The following FRMPD4 variants were observed in gnomAD, a reference collection of about 807,000 sequenced individuals.
FRMPD4 encodes FERM and PDZ domain-containing protein 4.
A neutral mutation model predicts 94.1 loss-of-function variants in FRMPD4; 22 were observed. That is an observed-to-expected ratio of 0.23 (90% CI 0.17 to 0.33). The LOEUF (loss-of-function observed/expected upper bound fraction) is 0.33, where lower values mean the gene tolerates loss of function less well. Ranked by LOEUF, FRMPD4 falls within the 10% of genes least tolerant of loss-of-function variation. The probability of loss-of-function intolerance (pLI) is 1.00; values close to 1 mark genes in which losing one functional copy is unlikely to be tolerated. For missense variants in FRMPD4, 1,111 were observed against 1,339.9 expected, an observed-to-expected ratio of 0.83 and a Z score of 2.67; for synonymous variants, 631 against 548.6, an observed-to-expected ratio of 1.15 and a Z score of -2.10.
chrX:12,296,034 C>T (rs1006736086), intron 1 of FRMPD4, among the ~76,000 whole-genome samples: 4 of 110,695 alleles, frequency 3.6e-5, no homozygotes, highest in African/African-American at 1.3e-4. Flanking sequence ...ATGTAGGGTC[C>T]CTGATCTCTA....
intron 4 of FRMPD4, among the ~76,000 whole-genome samples, chrX:12,619,684 C>T (rs2059269355): frequency 8.9e-6 from 1 of 112,193 alleles, no homozygotes; most frequent in African/African-American, 3.2e-5. Context: ...TCATACCTAC[C>T]TTGGCCTTGG....
intron 2 of FRMPD4, among the ~76,000 whole-genome samples, chrX:12,583,112 G>A (rs1449281036): frequency 8.9e-6 from 1 of 111,845 alleles, no homozygotes; most frequent in Admixed American, 9.4e-5. Context: ...TTATGTCTTT[G>A]ACCCTGGCAT....
chrX:12,371,283 C>G (rs759285952), intron 1 of FRMPD4, among the ~76,000 whole-genome samples: 1 of 112,628 alleles, frequency 8.9e-6, no homozygotes, highest in Non-Finnish European at 1.9e-5. Flanking sequence ...TATGGCGTAG[C>G]CTGTTGTGTA....
intron 5 of FRMPD4, among the ~76,000 whole-genome samples, chrX:12,680,291 G>A (rs1320545563): frequency 1.8e-5 from 2 of 112,155 alleles, no homozygotes; most frequent in African/African-American, 6.5e-5. Flanking sequence ...ATAATTACTT[G>A]TTATTTCCAC....
chrX:11,966,243 T>C (rs113968478), intron 3 of FRMPD4, among the ~76,000 whole-genome samples: 3,329 of 111,191 alleles, frequency 0.03, 74 homozygotes, highest in Admixed American at 0.096. Context: ...TATTAAGGGA[T>C]GGGGCTTTTG....
intron 1 of FRMPD4, among the ~76,000 whole-genome samples, chrX:12,372,787 T>C (rs942139159): frequency 1.8e-5 from 2 of 112,515 alleles, no homozygotes; most frequent in African/African-American, 3.2e-5. Context: ...CTGACAGAGC[T>C]GGCCTCCCTT....
intron 1 of FRMPD4, among the ~76,000 whole-genome samples, chrX:11,855,037 A>C (rs1478692629): frequency 3.6e-5 from 4 of 112,073 alleles, no homozygotes; most frequent in Admixed American, 9.4e-5. Context: ...ATATCCTCTG[A>C]AATCTAGGTA....
intron 1 of FRMPD4, among the ~76,000 whole-genome samples, chrX:12,163,856 A>G (rs1353167653): frequency 2.7e-5 from 3 of 111,995 alleles, no homozygotes; most frequent in African/African-American, 9.7e-5. Context: ...AATTAAGATC[A>G]TAGAGGTAAG....
intron 1 of FRMPD4, among the ~76,000 whole-genome samples, chrX:11,852,277 G>T (rs1390889621): frequency 8.3e-5 from 9 of 108,839 alleles, no homozygotes; most frequent in Non-Finnish European, 1.5e-4. Flanking sequence ...GGCTTTCTGA[G>T]TAATATGGGC....
intron 4 of FRMPD4, among the ~76,000 whole-genome samples, chrX:12,623,207 G>GAAAGA (rs1569370632): frequency 3.9e-4 from 2 of 5,112 alleles, no homozygotes; most frequent in Admixed American, 2.2e-3. Flanking sequence ...AGAAAGAAAG[G>GAAAGA]AAGGAAGGAA....
chrX:12,336,689 T>C (rs1200253129), intron 1 of FRMPD4, among the ~76,000 whole-genome samples: 1 of 111,494 alleles, frequency 9.0e-6, no homozygotes, highest in African/African-American at 3.3e-5. Context: ...ACATCTATTA[T>C]GGACTTTTAA....
intron 3 of FRMPD4, among the ~76,000 whole-genome samples, chrX:12,100,669 G>C (rs1312661114): frequency 8.9e-6 from 1 of 112,082 alleles, no homozygotes; most frequent in South Asian, 3.7e-4. Flanking sequence ...CTGTCTTCTT[G>C]TTCTCTAGAC....
At chrX:12,436,964 G>A (rs965696102) in intron 1 of FRMPD4, among the ~76,000 whole-genome samples, 9 of 111,961 alleles carry the variant, frequency 8.0e-5, no homozygotes, top group African/African-American at 2.6e-4. Flanking sequence ...CTAAAAAGCT[G>A]AAAATCTTTT....
At chrX:12,523,962 C>T (rs1438485) in intron 2 of FRMPD4, among the ~76,000 whole-genome samples, 4,394 of 111,063 alleles carry the variant, frequency 0.04, 193 homozygotes, top group African/African-American at 0.13. Flanking sequence ...CAAGACCAGC[C>T]TGGGCAACAT....
chrX:12,069,318 G>A (rs1482819636), intron 3 of FRMPD4, among the ~76,000 whole-genome samples: 6 of 111,433 alleles, frequency 5.4e-5, no homozygotes, highest in Non-Finnish European at 1.1e-4. Context: ...TTTACCCTGA[G>A]TATGAAGGGA....
intron 2 of FRMPD4, among the ~76,000 whole-genome samples, chrX:12,557,634 A>G (rs1474075204): frequency 8.9e-6 from 1 of 111,762 alleles, no homozygotes; most frequent in East Asian, 2.8e-4. Flanking sequence ...CACTTAGAAA[A>G]TCTCTCCCAA....
At chrX:12,513,513 G>T (rs2058065698) in intron 2 of FRMPD4, among the ~76,000 whole-genome samples, 2 of 111,923 alleles carry the variant, frequency 1.8e-5, no homozygotes, top group Admixed American at 9.5e-5. Context: ...GTTTGTCAAA[G>T]ATCAGATCAT....
intron 2 of FRMPD4, among the ~76,000 whole-genome samples, chrX:12,575,758 T>C (rs140019432): frequency 0.039 from 4,379 of 110,946 alleles, 208 homozygotes; most frequent in African/African-American, 0.14. Context: ...GTCAGAGCGA[T>C]ATGAGGTGAA....
intron 1 of FRMPD4, among the ~76,000 whole-genome samples, chrX:12,141,165 G>C (rs1444009836): frequency 1.8e-5 from 2 of 112,139 alleles, no homozygotes; most frequent in Non-Finnish European, 3.8e-5. Flanking sequence ...CAAAGGTGAA[G>C]TATGAAAGTG....
Sources: gnomAD v4.1 joint callset for allele counts (sites outside exome capture counted in the v4.1 genomes callset) on GRCh38, gnomAD v4.1.1 for gene constraint, MANE v1.5 for transcripts, NCBI Gene and HGNC (gene_info 2026-07-23, HGNC 2026-07-21) for gene names.